TARBP1: variants seen among roughly 807,000 people sequenced by gnomAD.
The protein encoded by TARBP1 is tRNA (guanosine(18)-2'-O)-methyltransferase TARBP1.
A neutral mutation model predicts 178.6 loss-of-function variants in TARBP1; 144 were observed. That is an observed-to-expected ratio of 0.81 (90% CI 0.70 to 0.93). TARBP1 has a LOEUF of 0.93. Among genes scored for constraint, TARBP1 ranks in the 40% least tolerant of loss-of-function variants. The probability of loss-of-function intolerance (pLI) is 0.00; values close to 1 mark genes in which losing one functional copy is unlikely to be tolerated. For missense variants in TARBP1, 2,067 were observed against 2,011.7 expected, an observed-to-expected ratio of 1.03 and a Z score of -0.53; for synonymous variants, 787 against 781.0, an observed-to-expected ratio of 1.01 and a Z score of -0.13.
chr1:234,393,216 T>C, intron 28 of TARBP1, 146 bp downstream of exon 28: 2 of 817,072 alleles, frequency 2.4e-6, no homozygotes, highest in Non-Finnish European at 3.4e-6. Context: ...CTATTATAAA[T>C]TATGCAAAAG....
intron 22 of TARBP1, 147 bp from the exon 23 acceptor site, chr1:234,410,678 T>C: frequency 1.8e-6 from 1 of 570,724 alleles, no homozygotes; most frequent in East Asian, 3.2e-5. Flanking sequence ...GGAAGGGGGC[T>C]GCGGCAACAG....
At chr1:234,435,407 G>A (rs769134602) in intron 13 of TARBP1, among the ~76,000 whole-genome samples, 7 of 152,174 alleles carry the variant, frequency 4.6e-5, no homozygotes, top group Non-Finnish European at 8.8e-5. Flanking sequence ...GCTTGAACCC[G>A]GGAGGTGGAG....
chr1:234,455,290 C>T (rs1667161007), intron 9 of TARBP1, among the ~76,000 whole-genome samples: 1 of 152,168 alleles, frequency 6.6e-6, no homozygotes, highest in Admixed American at 6.5e-5. Context: ...ATTACACAGG[C>T]ACCCAACCTC....
At chr1:234,441,088 G>A (rs1163822772) in intron 12 of TARBP1, among the ~76,000 whole-genome samples, 1 of 152,226 alleles carries the variant, frequency 6.6e-6, no homozygotes, top group Non-Finnish European at 1.5e-5. Flanking sequence ...GGGGGCTGAG[G>A]CAGCAGGATT....
chr1:234,412,641 G>A (rs1572242995), intron 22 of TARBP1, among the ~76,000 whole-genome samples: 1 of 152,092 alleles, frequency 6.6e-6, no homozygotes, highest in East Asian at 1.9e-4. Flanking sequence ...GACAGAGCAA[G>A]ACTCTGTCTC....
In TARBP1 at chr1:234,478,221, A is replaced by T. The variant is rs772027625; in HGVS notation, c.883T>A (p.Ser295Thr). 3 of 1,611,584 alleles carry T rather than the reference A, an allele frequency of 1.9e-6. No individual in the cohort carries two copies. Among genetic ancestry groups the T allele is most frequent in the Admixed American group, 1.7e-5 (1 of 59,952 alleles). ...GTGCAGTCGGCCCCCAGCTCCGCCGACACCTCCACCGCCCTCTGCAGCAGG... is the reference window on the plus strand; with the variant it reads ...GTGCAGTCGGCCCCCAGCTCCGCCGTCACCTCCACCGCCCTCTGCAGCAGG... ...RYLLQRAVEVSAELGADCTCG... is the reference protein window; with the variant it reads ...RYLLQRAVEVTAELGADCTCG... Residue 295 changes from serine to threonine, a missense_variant, in exon 1 of 30, where the codon TCG becomes ACG. Coordinates refer to ENST00000040877, the MANE Select transcript of TARBP1 (RefSeq NM_005646.4).
chr1:234,473,293 T>A (rs970569341), intron 1 of TARBP1, among the ~76,000 whole-genome samples: 1 of 152,172 alleles, frequency 6.6e-6, no homozygotes, highest in African/African-American at 2.4e-5. Flanking sequence ...GTTACTCTGG[T>A]AAGTGGAGTG....
chr1:234,470,256 A>G (rs6698268), intron 3 of TARBP1, among the ~76,000 whole-genome samples: 24,720 of 151,946 alleles, frequency 0.16, 2,858 homozygotes, highest in East Asian at 0.59. Context: ...AACAGATTGC[A>G]AGACTCCACA....
chr1:234,393,599 A>G (rs1659624471), intron 27 of TARBP1, 47 bp downstream of exon 27: 1 of 1,585,194 alleles, frequency 6.3e-7, no homozygotes, highest in Admixed American at 1.8e-5. Flanking sequence ...AAAAATGTTG[A>G]AGACCAAAAG....
chr1:234,410,355 TCA>T, intron 23 of TARBP1, 88 bp downstream of exon 23: 1 of 750,268 alleles, frequency 1.3e-6, no homozygotes, highest in East Asian at 2.7e-5. Context: ...TTGCAAACAT[TCA>T]CAGGAATGCT....
chr1:234,463,512 C>T (rs1451595218), intron 6 of TARBP1, among the ~76,000 whole-genome samples: 4 of 152,126 alleles, frequency 2.6e-5, no homozygotes, highest in African/African-American at 9.7e-5. Flanking sequence ...TTTCCTAAAA[C>T]CAAGTTCCGT....
Position 234,420,746 on chromosome 1 carries a change from G to A in TARBP1, c.3511C>T (p.Arg1171Ter), listed in dbSNP as rs763820689. ...AGTACCAGCAGAGTCTGCCACACTC[G>A]GTTTTTCACTCTGTGCTGTAGAGAA... ...VNSLQHRVKN[R>*]VWQTLLVLFP... Residue 1171 changes from arginine to a stop codon, truncating the protein, a stop_gained, in exon 21 of 30, where the codon CGA becomes TGA. Coordinates refer to ENST00000040877, the MANE Select transcript of TARBP1 (RefSeq NM_005646.4). LOFTEE classifies it high-confidence loss of function. 14 of 1,612,502 alleles carry A rather than the reference G, an allele frequency of 8.7e-6. 1 individual carries two copies. The South Asian group carries it at 1.1e-4, about 13-fold the overall frequency.
Position 234,450,461 on chromosome 1 carries a change from C to T in TARBP1, c.1828G>A (p.Val610Ile). Residue 610 changes from valine to isoleucine, a missense_variant, in exon 10 of 30, where the codon GTT becomes ATT. Transcript: ENST00000040877. Reference protein sequence around the residue: ...TSLNAYVKSIVQEYVKSSAWE... With the variant: ...TSLNAYVKSIIQEYVKSSAWE... ...GCAGATGACTTAACATACTCTTGAA[C>T]AATGCTCTTTACATAAGCATTTAAA... The T allele has an allele frequency of 1.9e-6, 3 of 1,608,632 alleles. No individual in the cohort carries two copies. The highest frequency in any genetic ancestry group is 2.5e-6 in the Non-Finnish European group (3 of 1,178,310).
chr1:234,428,631 C>T (rs1186673947), intron 17 of TARBP1, among the ~76,000 whole-genome samples: 2 of 151,918 alleles, frequency 1.3e-5, no homozygotes, highest in Admixed American at 6.6e-5. Context: ...CTGCAACCAC[C>T]GCCTCCTGGG....
In TARBP1 at chr1:234,446,890, T is replaced by C. The variant is rs1469665989; in HGVS notation, c.2047A>G (p.Met683Val). Residue 683 changes from methionine (M) to valine (V), a missense_variant, in exon 12 of 30, where the codon ATG becomes GTG. Coordinates refer to ENST00000040877, the MANE Select transcript of TARBP1 (RefSeq NM_005646.4). ...CATCTGTCAGTCTTCAGCAAGGGCATGTAGGCATTGGTACTAAACTTCATA... is the reference window on the plus strand; with the variant it reads ...CATCTGTCAGTCTTCAGCAAGGGCACGTAGGCATTGGTACTAAACTTCATA... ...VLMKFSTNAY[M>V]PLLKTDRCLQ... 5 of 1,614,062 alleles carry C rather than the reference T, an allele frequency of 3.1e-6. No homozygotes were observed. Among genetic ancestry groups the C allele is most frequent in the Admixed American group, 1.7e-5 (1 of 60,022 alleles).
intron 28 of TARBP1, among the ~76,000 whole-genome samples, chr1:234,392,999 G>A (rs901880761): frequency 6.6e-6 from 1 of 152,114 alleles, no homozygotes; most frequent in Non-Finnish European, 1.5e-5. Context: ...GATTACAGGC[G>A]TGAGCCACCG....
At chr1:234,463,777 T>TA (rs952898603) in intron 6 of TARBP1, 60 bp downstream of exon 6, 13,923 of 833,320 alleles carry the variant, frequency 0.017, 3 homozygotes, top group African/African-American at 0.023. Flanking sequence ...ACCAATTTGC[T>TA]AAAAAAAAAA....
intron 22 of TARBP1, 145 bp from the exon 23 acceptor site, chr1:234,410,676 G>A: frequency 3.5e-6 from 2 of 570,028 alleles, no homozygotes; most frequent in South Asian, 3.9e-5. Context: ...TGGGAAGGGG[G>A]CTGCGGCAAC....
chr1:234,443,207 T>C (rs1665772475), intron 12 of TARBP1, among the ~76,000 whole-genome samples: 1 of 151,572 alleles, frequency 6.6e-6, no homozygotes, highest in Non-Finnish European at 1.5e-5. Context: ...GGACAATCAC[T>C]TGAACCCGGG....
Sources: allele counts gnomAD v4.1 joint callset (sites outside exome capture counted in the v4.1 genomes callset), GRCh38; gene constraint gnomAD v4.1.1; transcripts MANE v1.5; gene names NCBI Gene and HGNC (gene_info 2026-07-23, HGNC 2026-07-21).